Variants in REEP1 observed in about 807,000 individuals in gnomAD.
The protein encoded by REEP1 is receptor expression-enhancing protein 1.
Under a neutral mutation model 40.3 loss-of-function variants are expected in REEP1, and 22 were observed. The observed-to-expected ratio is 0.55, with a 90% CI of 0.39 to 0.78. The LOEUF (loss-of-function observed/expected upper bound fraction) is 0.78. Ranked by LOEUF, REEP1 falls within the 30% of genes least tolerant of loss-of-function variation. The probability of loss-of-function intolerance (pLI) is 0.00; values close to 1 mark genes in which losing one functional copy is unlikely to be tolerated. For missense variants in REEP1, 280 were observed against 361.1 expected, an observed-to-expected ratio of 0.78 and a Z score of 1.82; for synonymous variants, 116 against 139.2, an observed-to-expected ratio of 0.83 and a Z score of 1.17.
chr2:86,287,837 T>C (rs1380524130), intron 1 of REEP1, among the ~76,000 whole-genome samples: 2 of 152,192 alleles, frequency 1.3e-5, no homozygotes, highest in East Asian at 3.8e-4. Flanking sequence ...TCACTATGTT[T>C]TTATTAACTA....
chr2:86,271,833 C>G (rs1054630454), intron 2 of REEP1, among the ~76,000 whole-genome samples: 1 of 152,200 alleles, frequency 6.6e-6, no homozygotes, highest in Non-Finnish European at 1.5e-5. Context: ...TTGTCAGGAG[C>G]CTGAATTCCT....
At chr2:86,234,346 G>A (rs950271531) in intron 5 of REEP1, among the ~76,000 whole-genome samples, 3 of 151,984 alleles carry the variant, frequency 2.0e-5, no homozygotes, top group African/African-American at 7.2e-5. Context: ...GCGAGACCCT[G>A]TATCTACAAA....
intron 1 of REEP1, among the ~76,000 whole-genome samples, chr2:86,316,891 C>A (rs578015232): frequency 1.1e-4 from 17 of 152,152 alleles, no homozygotes; most frequent in Middle Eastern, 6.8e-3. Context: ...AAAAGGAGAC[C>A]ATGGTTTCGG....
chr2:86,226,468 C>CTTTTT (rs745419771), intron 7 of REEP1, among the ~76,000 whole-genome samples: 3 of 24,866 alleles, frequency 1.2e-4, no homozygotes, highest in African/African-American at 2.6e-4. Flanking sequence ...TTTTTCTTTT[C>CTTTTT]TTTTTTTTTT....
chr2:86,265,397 T>C (rs1421993360), intron 2 of REEP1, among the ~76,000 whole-genome samples: 1 of 152,098 alleles, frequency 6.6e-6, no homozygotes, highest in African/African-American at 2.4e-5. Flanking sequence ...AGAGCAAAAT[T>C]TAAATATACC....
Position 86,216,972 on chromosome 2 carries a change from T to C in REEP1, c.*67A>G, listed in dbSNP as rs1674144114. 7.2e-7 allele frequency: 1 copy of C among 1,391,068 alleles called. No individual in the cohort carries two copies. Among genetic ancestry groups the C allele is most frequent in the Non-Finnish European group, 1.0e-6 (1 of 979,848 alleles). 86.2% of individuals were successfully genotyped at this position (1,391,068 alleles called of 1,614,324 possible). On this transcript the variant is annotated 3_prime_UTR_variant, in exon 9 of 9. Coordinates refer to ENST00000538924, the MANE Select transcript of REEP1 (RefSeq NM_001371279.1). The stretch of plus-strand genomic sequence containing the variant: ...ACCCAGCTTGCGGATTTCTATGTTA[T>C]TAGTGAATAGCTCTTTAAGGCAGAG...
chr2:86,331,256 A>C (rs892667309), intron 1 of REEP1, among the ~76,000 whole-genome samples: 3 of 152,206 alleles, frequency 2.0e-5, no homozygotes, highest in African/African-American at 7.2e-5. Flanking sequence ...ACCCTGGGGA[A>C]GGATCTCAGT....
intron 6 of REEP1, among the ~76,000 whole-genome samples, chr2:86,229,803 G>C (rs1042260203): frequency 1.3e-5 from 2 of 151,756 alleles, no homozygotes. Flanking sequence ...GTAGAGACGG[G>C]GTTTCTCCAT....
intron 1 of REEP1, among the ~76,000 whole-genome samples, chr2:86,289,624 T>C (rs1678588193): frequency 6.6e-6 from 1 of 152,240 alleles, no homozygotes; most frequent in Non-Finnish European, 1.5e-5. Context: ...TAAAATTTAC[T>C]AGAAGAATCA....
chr2:86,261,704 C>A (rs1459113061), intron 3 of REEP1, among the ~76,000 whole-genome samples: 1 of 152,172 alleles, frequency 6.6e-6, no homozygotes, highest in Non-Finnish European at 1.5e-5. Context: ...GACCGTCCCC[C>A]AGCCCGACAC....
intron 4 of REEP1, among the ~76,000 whole-genome samples, chr2:86,254,286 C>G (rs563365287): frequency 6.6e-6 from 1 of 152,072 alleles, no homozygotes; most frequent in Non-Finnish European, 1.5e-5. Flanking sequence ...CCACCTTATA[C>G]CCCTGAGTAG....
chr2:86,323,538 G>A (rs1424007336), intron 1 of REEP1, among the ~76,000 whole-genome samples: 6 of 152,234 alleles, frequency 3.9e-5, no homozygotes, highest in Non-Finnish European at 5.9e-5. Flanking sequence ...TGTGAATTGC[G>A]CATGTGAGAG....
At chr2:86,315,336 G>T (rs1032874038) in intron 1 of REEP1, among the ~76,000 whole-genome samples, 1 of 152,200 alleles carries the variant, frequency 6.6e-6, no homozygotes, top group Non-Finnish European at 1.5e-5. Flanking sequence ...TGGTGCTCTC[G>T]TTTGTCTGGC....
intron 5 of REEP1, among the ~76,000 whole-genome samples, chr2:86,246,947 C>T (rs1330055058): frequency 2.0e-5 from 3 of 152,134 alleles, no homozygotes; most frequent in Non-Finnish European, 2.9e-5. Context: ...GTGATCTGCC[C>T]GTCTTGGCCT....
At chr2:86,275,273 G>A (rs939331660) in intron 2 of REEP1, among the ~76,000 whole-genome samples, 1 of 150,154 alleles carries the variant, frequency 6.7e-6, no homozygotes, top group African/African-American at 2.5e-5. Flanking sequence ...CTTTGAGCAG[G>A]GCACTTAGCC....
chr2:86,219,404 CAATA>C (rs1674294494), intron 8 of REEP1, among the ~76,000 whole-genome samples: 1 of 151,152 alleles, frequency 6.6e-6, no homozygotes, highest in Non-Finnish European at 1.5e-5. Context: ...CAAAACAAAA[CAATA>C]AAGACCTAGA....
At chr2:86,325,234 T>A (rs1472093463) in intron 1 of REEP1, among the ~76,000 whole-genome samples, 2 of 151,984 alleles carry the variant, frequency 1.3e-5, no homozygotes, top group Admixed American at 1.3e-4. Context: ...GGCAATAGAG[T>A]GAGATCCTGT....
At chr2:86,238,120 G>T (rs1225394854) in intron 5 of REEP1, among the ~76,000 whole-genome samples, 1 of 152,208 alleles carries the variant, frequency 6.6e-6, no homozygotes, top group Non-Finnish European at 1.5e-5. Context: ...GGCAGAGGTT[G>T]AGGTGAGCCG....
At chr2:86,276,235 T>C (rs1442109253) in intron 2 of REEP1, among the ~76,000 whole-genome samples, 2 of 152,202 alleles carry the variant, frequency 1.3e-5, no homozygotes, top group Admixed American at 6.5e-5. Context: ...TCCAGGCTGA[T>C]ACCATATCAC....
Sources: gnomAD v4.1 joint callset for allele counts (sites outside exome capture counted in the v4.1 genomes callset) on GRCh38, gnomAD v4.1.1 for gene constraint, MANE v1.5 for transcripts, NCBI Gene and HGNC (gene_info 2026-07-23, HGNC 2026-07-21) for gene names.